CDH11: variants seen among roughly 807,000 people sequenced by gnomAD.
The protein encoded by CDH11 is cadherin 11.
CDH11 carries 11 observed loss-of-function variants against 67.8 expected under a neutral mutation model. The ratio of observed to expected loss-of-function variants is 0.16; its 90% CI spans 0.10 to 0.27. The LOEUF (loss-of-function observed/expected upper bound fraction) is 0.27, where lower values mean the gene tolerates loss of function less well. CDH11 is among the 10% of genes least tolerant of loss of function. The pLI is 1.00. For missense variants in CDH11, 847 were observed against 1,031.2 expected (o/e 0.82, Z 2.45); for synonymous variants, 419 against 400.0 (o/e 1.05, Z -0.57).
intron 1 of CDH11, among the ~76,000 whole-genome samples, chr16:65,058,397 C>T (rs182418395): frequency 1.2e-4 from 18 of 152,228 alleles, no homozygotes; most frequent in Admixed American, 7.9e-4. Context: ...AGTTGAACAA[C>T]GGCCATCCAC....
At chr16:65,032,954 T>G (rs1225410136) in intron 2 of CDH11, among the ~76,000 whole-genome samples, 1 of 152,214 alleles carries the variant, frequency 6.6e-6, no homozygotes, top group Non-Finnish European at 1.5e-5. Context: ...AGGCATCTTC[T>G]AGACAGCCAC....
intron 1 of CDH11, among the ~76,000 whole-genome samples, chr16:65,105,219 T>G (rs183802664): frequency 6.6e-6 from 1 of 152,302 alleles, no homozygotes; most frequent in African/African-American, 2.4e-5. Context: ...GTTTATTTGT[T>G]TTTGGAAGAG....
intron 1 of CDH11, among the ~76,000 whole-genome samples, chr16:65,073,992 A>T (rs2074464324): frequency 1.3e-5 from 2 of 150,958 alleles, no homozygotes; most frequent in African/African-American, 2.4e-5. Context: ...TAACTTGGAA[A>T]CTCTTTCATT....
chr16:65,016,107 C>T (rs1353969467), intron 2 of CDH11, among the ~76,000 whole-genome samples: 1 of 152,208 alleles, frequency 6.6e-6, no homozygotes, highest in Non-Finnish European at 1.5e-5. Context: ...CAAACCACTC[C>T]ATCACACTAA....
intron 1 of CDH11, among the ~76,000 whole-genome samples, chr16:65,094,070 T>A (rs1170734894): frequency 6.6e-6 from 1 of 152,200 alleles, no homozygotes; most frequent in Non-Finnish European, 1.5e-5. Context: ...TTAAGGCCTC[T>A]CCTCTTCTTA....
Position 65,121,781 on chromosome 16 carries a change from A to ACCCCG in CDH11, c.-298+94_-298+98dup. 1 of 689,696 alleles carries ACCCCG rather than the reference A, an allele frequency of 1.4e-6. No individual in the cohort carries two copies. The highest frequency in any genetic ancestry group is 2.6e-6 in the Non-Finnish European group (1 of 379,810). The allele number at this position is 689,696 out of a possible 1,614,324, so 42.7% of individuals were successfully genotyped here. On this transcript the variant is annotated intron_variant, in intron 1 of 12. Transcript: ENST00000268603. The surrounding 1 kb of genome is among the most constrained non-coding windows in gnomAD (Gnocchi z 4.1). Reference sequence around the variant, plus strand: ...CTCAGATACCACCGTCCCCCTCACCACCCCGCCCCGCCAAGACATTCTCTT... The same window carrying ACCCCG: ...CTCAGATACCACCGTCCCCCTCACCACCCCGCCCCGCCCCGCCAAGACATTCTCTT...
At chr16:65,015,157 C>A (rs1471280717) in intron 2 of CDH11, among the ~76,000 whole-genome samples, 2 of 151,684 alleles carry the variant, frequency 1.3e-5, no homozygotes, top group African/African-American at 4.8e-5. Context: ...CAACTGTGAG[C>A]CACTGCGCCT....
At chr16:65,034,224 G>C (rs550912729) in intron 2 of CDH11, among the ~76,000 whole-genome samples, 1 of 152,306 alleles carries the variant, frequency 6.6e-6, no homozygotes, top group African/African-American at 2.4e-5. Context: ...CCAGAAGCTA[G>C]GAGGAAGGCA....
At chr16:65,030,572 A>C (rs2073623220) in intron 2 of CDH11, among the ~76,000 whole-genome samples, 1 of 152,028 alleles carries the variant, frequency 6.6e-6, no homozygotes, top group Non-Finnish European at 1.5e-5. Context: ...ACAGTTTGAG[A>C]ATTTATTTAT....
In CDH11 at chr16:65,004,970, C is replaced by T. The variant is rs1158578673; in HGVS notation, c.-101G>A. On this transcript the variant is annotated 5_prime_UTR_variant, in exon 3 of 13. Coordinates refer to ENST00000268603, the MANE Select transcript of CDH11 (RefSeq NM_001797.4). ...TGGCCTCCCGGACGCGTCACGCAGACCTCTCTTGGGATGGAATGTCTCTGC... is the reference window on the plus strand; with the variant it reads ...TGGCCTCCCGGACGCGTCACGCAGATCTCTCTTGGGATGGAATGTCTCTGC... 1.4e-6 allele frequency: 2 copies of T among 1,433,960 alleles called. No individual in the cohort carries two copies. Among genetic ancestry groups the T allele is most frequent in the African/African-American group, 2.9e-5 (2 of 68,954 alleles). 88.8% of individuals were successfully genotyped at this position (1,433,960 alleles called of 1,614,324 possible). A position where few individuals can be genotyped will look rare whatever the true frequency, so the allele number is the denominator to read the frequency against.
rs1187824515 is a variant in CDH11 at position 64,998,843 on chromosome 16, A to G, written c.242T>C (p.Ile81Thr). Residue 81 changes from isoleucine to threonine, a missense_variant, in exon 4 of 13, where the codon ATT (isoleucine) becomes ACT (threonine). By Grantham distance (89) the Ile-to-Thr change is moderately conservative. Coordinates refer to ENST00000268603, the MANE Select transcript of CDH11 (RefSeq NM_001797.4). The stretch of plus-strand genomic sequence containing the variant: ...TTTAATGTTCCCATCACCAGAGTCA[A>G]TATCTGAATGAAGCTGGAAGAAAGA... ...PVLVGRLHSDIDSGDGNIKYI... is the reference protein window; with the variant it reads ...PVLVGRLHSDTDSGDGNIKYI... 1.9e-6 allele frequency: 3 copies of G among 1,613,364 alleles called. No individual in the cohort carries two copies. The highest frequency in any genetic ancestry group is 2.5e-6 in the Non-Finnish European group (3 of 1,179,452).
intron 2 of CDH11, among the ~76,000 whole-genome samples, chr16:65,026,763 T>C (rs2073542627): frequency 6.6e-6 from 1 of 152,182 alleles, no homozygotes; most frequent in African/African-American, 2.4e-5. Flanking sequence ...AAATAGTCCC[T>C]GAATGAATGA....
intron 11 of CDH11, among the ~76,000 whole-genome samples, chr16:64,961,459 T>C (rs536958459): frequency 6.6e-6 from 1 of 152,204 alleles, no homozygotes; most frequent in South Asian, 2.1e-4. Context: ...AGCCCTGGGG[T>C]TCTGAGATCC....
chr16:65,043,817 C>G (rs776179984), intron 2 of CDH11, among the ~76,000 whole-genome samples: 2 of 152,072 alleles, frequency 1.3e-5, no homozygotes, highest in Non-Finnish European at 2.9e-5. Flanking sequence ...TTTGATAGAA[C>G]ATTGGCATTG....
chr16:65,113,156 C>T (rs922380579), intron 1 of CDH11, among the ~76,000 whole-genome samples: 28 of 151,874 alleles, frequency 1.8e-4, no homozygotes, highest in African/African-American at 6.5e-4. Context: ...GGTGGTGGCA[C>T]GTGCCTATAG....
Position 65,121,138 on chromosome 16 carries a change from G to T in CDH11, c.-298+742C>A, listed in dbSNP as rs1250600544. ...CTTTCGCCAATCCCAAGCCAGAGGC[G>T]AGCCCGAGTCTGGGCCGCTCATGGA... On this transcript the variant is annotated intron_variant, in intron 1 of 12. Transcript: ENST00000268603. This position sits in a 1 kb window ranked among gnomAD's most constrained non-coding sequence, Gnocchi z 4.1. 6.6e-6 allele frequency among the ~76,000 whole-genome samples: 1 copy of T among 152,158 alleles called. No homozygotes were observed. Among genetic ancestry groups the T allele is most frequent in the Non-Finnish European group, 1.5e-5 (1 of 68,030 alleles).
intron 2 of CDH11, among the ~76,000 whole-genome samples, chr16:65,025,673 T>C (rs537483957): frequency 1.4e-3 from 216 of 152,286 alleles, no homozygotes; most frequent in African/African-American, 5.0e-3. Context: ...TTTTAACCTT[T>C]AGAAGTGTGG....
intron 1 of CDH11, among the ~76,000 whole-genome samples, chr16:65,057,144 T>C (rs1420463213): frequency 1.3e-5 from 2 of 152,196 alleles, no homozygotes; most frequent in Non-Finnish European, 2.9e-5. Flanking sequence ...GGGTCATCTG[T>C]TTCTGCATTC....
intron 1 of CDH11, among the ~76,000 whole-genome samples, chr16:65,057,342 T>G (rs1434493848): frequency 6.6e-6 from 1 of 152,218 alleles, no homozygotes; most frequent in Non-Finnish European, 1.5e-5. Flanking sequence ...CACACCATCA[T>G]GGGCTGTCTT....
Sources: gnomAD v4.1 joint callset for allele counts (sites outside exome capture counted in the v4.1 genomes callset) on GRCh38, gnomAD v4.1.1 for gene constraint, Gnocchi (gnomAD v3.1) non-coding constraint, MANE v1.5 for transcripts, NCBI Gene and HGNC (gene_info 2026-07-23, HGNC 2026-07-21) for gene names.